EDIL3: variants seen among roughly 807,000 people sequenced by gnomAD.
EDIL3 encodes the protein EGF like and discoidin domains 3.
Under a neutral mutation model 67.4 loss-of-function variants are expected in EDIL3, and 37 were observed. The observed-to-expected ratio is 0.55, with a 90% confidence interval of 0.42 to 0.72. The LOEUF (loss-of-function observed/expected upper bound fraction) is 0.72, where lower values mean the gene tolerates loss of function less well. Among genes scored for constraint, EDIL3 ranks in the 30% least tolerant of loss-of-function variants. The pLI, the probability that EDIL3 is intolerant of heterozygous loss-of-function variation, is 0.00. For synonymous variants in EDIL3, 195 were observed against 196.3 expected (o/e 0.99, Z 0.05); for missense variants, 527 against 586.3 (o/e 0.90, Z 1.04).
intron 1 of EDIL3, among the ~76,000 whole-genome samples, chr5:84,261,580 G>C (rs2112084668): frequency 6.6e-6 from 1 of 152,222 alleles, no homozygotes; most frequent in South Asian, 2.1e-4. Flanking sequence ...TTGCAATTTG[G>C]AAGTATACAG....
intron 1 of EDIL3, among the ~76,000 whole-genome samples, chr5:84,299,266 A>C (rs1243080332): frequency 6.6e-6 from 1 of 152,226 alleles, no homozygotes; most frequent in Non-Finnish European, 1.5e-5. Context: ...TAATATCGAA[A>C]GAAGGAGCAT....
At chr5:84,272,079 T>C (rs953101704) in intron 1 of EDIL3, among the ~76,000 whole-genome samples, 3 of 152,190 alleles carry the variant, frequency 2.0e-5, no homozygotes, top group Admixed American at 6.5e-5. Flanking sequence ...GCATATGCAA[T>C]AACAACGCTC....
chr5:83,989,252 A>G (rs1745107820), intron 9 of EDIL3, among the ~76,000 whole-genome samples: 1 of 152,126 alleles, frequency 6.6e-6, no homozygotes, highest in Non-Finnish European at 1.5e-5. Context: ...CTTCCATGTA[A>G]AAGAAAAGAT....
At chr5:84,264,042 C>A (rs1745293335) in intron 1 of EDIL3, among the ~76,000 whole-genome samples, 1 of 152,178 alleles carries the variant, frequency 6.6e-6, no homozygotes, top group South Asian at 2.1e-4. Context: ...TTGAGATCAG[C>A]CTTGCCAACA....
At chr5:84,084,167 G>A (rs1747027347) in intron 6 of EDIL3, among the ~76,000 whole-genome samples, 1 of 152,124 alleles carries the variant, frequency 6.6e-6, no homozygotes. Context: ...AAAATATAGA[G>A]TATATCTCAT....
At chr5:84,153,134 A>C (rs1748427481) in intron 4 of EDIL3, among the ~76,000 whole-genome samples, 1 of 152,140 alleles carries the variant, frequency 6.6e-6, no homozygotes. Context: ...TACAAACGGG[A>C]AAATAACCCC....
At chr5:84,077,902 G>A (rs1419041974) in intron 6 of EDIL3, among the ~76,000 whole-genome samples, 1 of 150,284 alleles carries the variant, frequency 6.7e-6, no homozygotes, top group East Asian at 1.9e-4. Flanking sequence ...AAAGAGATGA[G>A]GAAATCAATA....
intron 5 of EDIL3, among the ~76,000 whole-genome samples, chr5:84,117,530 A>G (rs1436272594): frequency 6.6e-6 from 1 of 151,900 alleles, no homozygotes; most frequent in Admixed American, 6.6e-5. Context: ...TTATTGCTAT[A>G]GAGTTTGGCC....
At chr5:84,024,696 T>A (rs1745780988) in intron 9 of EDIL3, among the ~76,000 whole-genome samples, 1 of 152,116 alleles carries the variant, frequency 6.6e-6, no homozygotes, top group Non-Finnish European at 1.5e-5. Context: ...TTCAAATATT[T>A]AGTGAAAATT....
chr5:84,252,502 A>AG (rs1745043850), intron 2 of EDIL3, among the ~76,000 whole-genome samples: 1 of 144,016 alleles, frequency 6.9e-6, no homozygotes, highest in Admixed American at 6.9e-5. Flanking sequence ...TCAAAAAAAA[A>AG]AAAAAAAAAA....
At chr5:83,980,782 A>T (rs1299750049) in intron 9 of EDIL3, among the ~76,000 whole-genome samples, 1 of 150,618 alleles carries the variant, frequency 6.6e-6, no homozygotes, top group Non-Finnish European at 1.5e-5. Flanking sequence ...ACTAATAAAC[A>T]AATTCAATGA....
chr5:84,242,727 C>T (rs904688824), intron 2 of EDIL3, among the ~76,000 whole-genome samples: 1 of 139,616 alleles, frequency 7.2e-6, no homozygotes, highest in African/African-American at 2.7e-5. Flanking sequence ...GAGCCCCGGA[C>T]ATTGAGGCTG....
intron 1 of EDIL3, among the ~76,000 whole-genome samples, chr5:84,341,659 G>A (rs770562059): frequency 6.6e-6 from 1 of 151,942 alleles, no homozygotes; most frequent in Non-Finnish European, 1.5e-5. Context: ...TTGATGAACA[G>A]AGCAAATTAA....
At chr5:84,211,208 C>A (rs989840394) in intron 3 of EDIL3, among the ~76,000 whole-genome samples, 1 of 152,136 alleles carries the variant, frequency 6.6e-6, no homozygotes, top group East Asian at 1.9e-4. Flanking sequence ...GGAAGCAGAT[C>A]CCTCATGAAC....
chr5:84,087,637 C>T (rs1043523720), intron 6 of EDIL3, among the ~76,000 whole-genome samples: 1 of 152,106 alleles, frequency 6.6e-6, no homozygotes, highest in African/African-American at 2.4e-5. Flanking sequence ...CTGAGATTGA[C>T]GAGAATACAA....
chr5:83,991,638 G>A (rs1745153355), intron 9 of EDIL3, among the ~76,000 whole-genome samples: 2 of 152,146 alleles, frequency 1.3e-5, no homozygotes, highest in Non-Finnish European at 2.9e-5. Flanking sequence ...AAGTATCGTG[G>A]CGACTTGGTA....
At position 83,963,231 on chromosome 5, in the gene EDIL3, G is replaced by C; in HGVS notation, c.1267C>G (p.Gln423Glu). The C allele has an allele frequency of 6.2e-7, 1 of 1,604,578 alleles. No homozygotes were observed. Among genetic ancestry groups the C allele is most frequent in the Non-Finnish European group, 8.5e-7 (1 of 1,175,208 alleles). Residue 423 changes from glutamine to glutamate, a missense_variant, in exon 10 of 11, where the codon CAG (glutamine) becomes GAG (glutamate). This residue lies in a region of EDIL3 where 494 missense variants were observed against 522.5 expected (regional missense o/e 0.95). Coordinates refer to ENST00000296591, the MANE Select transcript of EDIL3 (RefSeq NM_005711.5). ...SNDGEHWTVY[Q>E]DEKQRKDKVF... is the part of the protein sequence containing the mutation. ...TTATCTTTTCTTTGCTTTTCATCCT[G>C]GTATACAGTCCAGTGTTCTCCATCA... is the stretch of plus-strand genomic sequence containing the variant.
At chr5:84,255,039 T>G (rs1263676649) in intron 1 of EDIL3, among the ~76,000 whole-genome samples, 1 of 152,138 alleles carries the variant, frequency 6.6e-6, no homozygotes. Flanking sequence ...TAAGGAGATT[T>G]CCGGGCAGAC....
At chr5:84,371,450 T>TAG (rs142715442) in intron 1 of EDIL3, among the ~76,000 whole-genome samples, 95 of 103,980 alleles carry the variant, frequency 9.1e-4, no homozygotes, top group African/African-American at 2.9e-3. Context: ...TATATATATA[T>TAG]AGAGAGAGAG....
Sources: allele counts gnomAD v4.1 joint callset (sites outside exome capture counted in the v4.1 genomes callset), GRCh38; gene constraint gnomAD v4.1.1; regional missense constraint gnomAD v4.1.1; transcripts MANE v1.5; gene names NCBI Gene and HGNC (gene_info 2026-07-23, HGNC 2026-07-21).